TSPAN9: variants seen among roughly 807,000 people sequenced by gnomAD.
The protein encoded by TSPAN9 is tetraspanin-9.
TSPAN9 carries 16 observed loss-of-function variants against 31.0 expected under a neutral mutation model. That is an observed-to-expected ratio of 0.52 (90% CI 0.35 to 0.78). The LOEUF (loss-of-function observed/expected upper bound fraction) is 0.78. TSPAN9 is among the 30% of genes least tolerant of loss of function. The probability of loss-of-function intolerance (pLI) is 0.01; values close to 1 mark genes in which losing one functional copy is unlikely to be tolerated. For missense variants in TSPAN9, 272 were observed against 312.5 expected, an observed-to-expected ratio of 0.87 and a Z score of 0.98; for synonymous variants, 145 against 121.6, an observed-to-expected ratio of 1.19 and a Z score of -1.27.
intron 3 of TSPAN9, among the ~76,000 whole-genome samples, chr12:3,203,682 T>C (rs2098373304): frequency 6.6e-6 from 1 of 152,224 alleles, no homozygotes; most frequent in African/African-American, 2.4e-5. Context: ...AAAAATTGAA[T>C]CTCCAAGACC....
At chr12:3,112,749 C>T (rs1247851120) in intron 2 of TSPAN9, among the ~76,000 whole-genome samples, 6 of 139,734 alleles carry the variant, frequency 4.3e-5, no homozygotes, top group Non-Finnish European at 9.0e-5. Context: ...GTGGTATGAC[C>T]ATAGCTCACT....
intron 2 of TSPAN9, among the ~76,000 whole-genome samples, chr12:3,141,476 T>C (rs2098334801): frequency 6.6e-6 from 1 of 152,176 alleles, no homozygotes; most frequent in South Asian, 2.1e-4. Flanking sequence ...CCTGCTCCTC[T>C]GAGGCCCACA....
chr12:3,278,895 G>A (rs1210248464), intron 4 of TSPAN9, 97 bp from the exon 5 acceptor site: 2 of 1,320,868 alleles, frequency 1.5e-6, no homozygotes, highest in African/African-American at 1.4e-5. Flanking sequence ...GACCTGGGAA[G>A]CCCCACCTAG....
chr12:3,093,864 T>C (rs1291336789), intron 2 of TSPAN9, among the ~76,000 whole-genome samples: 1 of 152,152 alleles, frequency 6.6e-6, no homozygotes, highest in Admixed American at 6.5e-5. Flanking sequence ...TAATTTGTAC[T>C]TATTTATTTA....
intron 2 of TSPAN9, among the ~76,000 whole-genome samples, chr12:3,141,015 G>C (rs1316653643): frequency 6.6e-6 from 1 of 151,758 alleles, no homozygotes; most frequent in African/African-American, 2.4e-5. Flanking sequence ...CATAGTAGGG[G>C]AGGGAGGGGG....
At chr12:3,259,042 G>A (rs1862402676) in intron 3 of TSPAN9, among the ~76,000 whole-genome samples, 1 of 152,182 alleles carries the variant, frequency 6.6e-6, no homozygotes, top group African/African-American at 2.4e-5. Flanking sequence ...TATCCAGAAA[G>A]AAGGAATTTT....
At chr12:3,167,712 C>T (rs1033583799) in intron 2 of TSPAN9, among the ~76,000 whole-genome samples, 3 of 152,180 alleles carry the variant, frequency 2.0e-5, no homozygotes, top group Non-Finnish European at 4.4e-5. Context: ...AGCATGGTCT[C>T]CCGCTTGGGA....
At chr12:3,105,435 A>G (rs1466870781) in intron 2 of TSPAN9, among the ~76,000 whole-genome samples, 1 of 151,458 alleles carries the variant, frequency 6.6e-6, no homozygotes, top group Non-Finnish European at 1.5e-5. Context: ...TTGTCTTAAA[A>G]AAAAAAAAAA....
At chr12:3,218,878 C>A (rs776844370) in intron 3 of TSPAN9, among the ~76,000 whole-genome samples, 2 of 152,176 alleles carry the variant, frequency 1.3e-5, no homozygotes, top group African/African-American at 4.8e-5. Flanking sequence ...CTTTACCCCC[C>A]GGCAATCCAT....
At chr12:3,079,893 C>T (rs1417970541) in intron 1 of TSPAN9, among the ~76,000 whole-genome samples, 2 of 151,766 alleles carry the variant, frequency 1.3e-5, no homozygotes, top group Non-Finnish European at 2.9e-5. Flanking sequence ...ACCTTAGCCT[C>T]CCGAGTAGCT....
chr12:3,252,005 G>T (rs1862251556), intron 3 of TSPAN9, among the ~76,000 whole-genome samples: 1 of 152,160 alleles, frequency 6.6e-6, no homozygotes, highest in African/African-American at 2.4e-5. Context: ...ACATCGGCCA[G>T]CTCTGGGTCC....
chr12:3,241,163 A>AGAT (rs1170930928), intron 3 of TSPAN9, among the ~76,000 whole-genome samples: 3 of 152,230 alleles, frequency 2.0e-5, no homozygotes, highest in Admixed American at 6.5e-5. Flanking sequence ...ATGCTGTCAA[A>AGAT]GATTTTATGT....
chr12:3,273,268 T>A (rs1251902203), intron 3 of TSPAN9: 1 of 152,262 alleles, frequency 6.6e-6, no homozygotes, highest in Non-Finnish European at 1.5e-5. Context: ...ATTCGTCTTC[T>A]CAAATTTGGA....
At chr12:3,225,909 A>G (rs1276793788) in intron 3 of TSPAN9, among the ~76,000 whole-genome samples, 1 of 152,136 alleles carries the variant, frequency 6.6e-6, no homozygotes, top group African/African-American at 2.4e-5. Flanking sequence ...GGGACGGTCC[A>G]TGTGCACACA....
At chr12:3,282,085 T>C in intron 8 of TSPAN9, 1 of 652,172 alleles carries the variant, frequency 1.5e-6, no homozygotes, top group African/African-American at 1.8e-5. Context: ...CCCCCGTGGG[T>C]TCCCCCAGTT....
At chr12:3,261,057 C>T (rs1419340593) in intron 3 of TSPAN9, among the ~76,000 whole-genome samples, 1 of 152,068 alleles carries the variant, frequency 6.6e-6, no homozygotes, top group Non-Finnish European at 1.5e-5. Context: ...GGTGGGGTGA[C>T]CAACCCGAAC....
intron 5 of TSPAN9, among the ~76,000 whole-genome samples, chr12:3,279,836 G>T (rs867972187): frequency 6.6e-5 from 10 of 152,236 alleles, no homozygotes; most frequent in African/African-American, 2.4e-4. Flanking sequence ...TGCCAGCCCT[G>T]TTCTTGGCCC....
chr12:3,237,004 G>A (rs1489015104), intron 3 of TSPAN9, among the ~76,000 whole-genome samples: 1 of 152,198 alleles, frequency 6.6e-6, no homozygotes, highest in Admixed American at 6.5e-5. Context: ...CAGCAGCCAA[G>A]GCAGTGAGCA....
intron 2 of TSPAN9, among the ~76,000 whole-genome samples, chr12:3,112,372 C>A (rs1378900064): frequency 6.6e-6 from 1 of 151,818 alleles, no homozygotes; most frequent in Non-Finnish European, 1.5e-5. Flanking sequence ...GACGGGGTTT[C>A]TCCATGTTGG....
Sources: allele counts gnomAD v4.1 joint callset (sites outside exome capture counted in the v4.1 genomes callset), GRCh38; gene constraint gnomAD v4.1.1; transcripts MANE v1.5; gene names NCBI Gene and HGNC (gene_info 2026-07-23, HGNC 2026-07-21).